Variants in SLC4A4 observed in about 807,000 individuals in gnomAD.
SLC4A4 encodes solute carrier family 4 member 4.
SLC4A4 carries 27 observed loss-of-function variants against 111.5 expected under a neutral mutation model. That is an observed-to-expected ratio of 0.24 (90% CI 0.18 to 0.33). The LOEUF (loss-of-function observed/expected upper bound fraction) is 0.33. Ranked by LOEUF, SLC4A4 falls within the 10% of genes least tolerant of loss-of-function variation. The pLI, the probability that SLC4A4 is intolerant of heterozygous loss-of-function variation, is 1.00. For synonymous variants in SLC4A4, 443 were observed against 463.4 expected (o/e 0.96, Z 0.57); for missense variants, 909 against 1,315.5 (o/e 0.69, Z 4.78).
chr4:71,376,296 G>A (rs1285594757), intron 6 of SLC4A4, among the ~76,000 whole-genome samples: 1 of 151,004 alleles, frequency 6.6e-6, no homozygotes, highest in African/African-American at 2.4e-5. Flanking sequence ...CTGCCTCTCG[G>A]GTTCACGCCA....
At chr4:71,094,008 G>T (rs890176363) in intron 2 of SLC4A4, among the ~76,000 whole-genome samples, 9 of 150,210 alleles carry the variant, frequency 6.0e-5, no homozygotes, top group South Asian at 2.1e-4. Context: ...CAGATTATCA[G>T]CCAGACTGTT....
At chr4:71,256,991 G>A (rs191641826) in intron 3 of SLC4A4, among the ~76,000 whole-genome samples, 8 of 152,176 alleles carry the variant, frequency 5.3e-5, no homozygotes, top group Admixed American at 5.2e-4. Context: ...AGACAAATAG[G>A]CCCAGGAATT....
At chr4:71,152,716 A>G (rs1744341298) in intron 2 of SLC4A4, among the ~76,000 whole-genome samples, 1 of 151,970 alleles carries the variant, frequency 6.6e-6, no homozygotes, top group African/African-American at 2.4e-5. Flanking sequence ...TCAGATTCCT[A>G]AAATATTTAC....
At chr4:71,360,286 T>C (rs1730658051) in intron 6 of SLC4A4, among the ~76,000 whole-genome samples, 3 of 152,152 alleles carry the variant, frequency 2.0e-5, no homozygotes, top group African/African-American at 4.8e-5. Context: ...GCTGTTATGG[T>C]AGTATTTACC....
At chr4:71,298,034 G>A (rs973299088) in intron 3 of SLC4A4, among the ~76,000 whole-genome samples, 1 of 152,162 alleles carries the variant, frequency 6.6e-6, no homozygotes, top group African/African-American at 2.4e-5. Context: ...CCTTTCTGAG[G>A]CTCTGTTTCC....
At chr4:71,403,269 A>G (rs1720535050) in intron 7 of SLC4A4, among the ~76,000 whole-genome samples, 1 of 152,100 alleles carries the variant, frequency 6.6e-6, no homozygotes, top group African/African-American at 2.4e-5. Flanking sequence ...CTCCTAAAAC[A>G]CCCCATCACT....
intron 3 of SLC4A4, among the ~76,000 whole-genome samples, chr4:71,269,944 C>T (rs1396455425): frequency 1.3e-5 from 2 of 152,136 alleles, no homozygotes; most frequent in African/African-American, 2.4e-5. Flanking sequence ...TATACCTCAC[C>T]AGGTGGCTGT....
chr4:71,405,581 G>A (rs1296022706), intron 7 of SLC4A4, among the ~76,000 whole-genome samples: 1 of 152,086 alleles, frequency 6.6e-6, no homozygotes, highest in Non-Finnish European at 1.5e-5. Context: ...ATTTCTGGAG[G>A]AGAAATTTTT....
chr4:71,373,960 G>GAA (rs1732114553), intron 6 of SLC4A4, among the ~76,000 whole-genome samples: 1 of 152,150 alleles, frequency 6.6e-6, no homozygotes, highest in South Asian at 2.1e-4. Flanking sequence ...TGGGTTTACA[G>GAA]AAGCATGACA....
intron 2 of SLC4A4, among the ~76,000 whole-genome samples, chr4:71,124,174 CTTTTT>C (rs5859248): frequency 8.1e-6 from 1 of 123,062 alleles, no homozygotes. Flanking sequence ...TAGGCCCACA[CTTTTT>C]TTTTTTTTTT....
chr4:71,146,156 C>G (rs914329556), intron 2 of SLC4A4, among the ~76,000 whole-genome samples: 2 of 152,124 alleles, frequency 1.3e-5, no homozygotes, highest in African/African-American at 4.8e-5. Context: ...TGTCTTTGTT[C>G]TCATTGGTTT....
intron 19 of SLC4A4, 97 bp from the exon 20 acceptor site, chr4:71,547,551 T>C (rs561315353): frequency 3.1e-5 from 30 of 974,386 alleles, no homozygotes; most frequent in African/African-American, 2.2e-4. Context: ...TAGCCAAACA[T>C]TGATTTTGTC....
At chr4:71,111,450 C>T (rs906134096) in intron 2 of SLC4A4, among the ~76,000 whole-genome samples, 6 of 151,520 alleles carry the variant, frequency 4.0e-5, no homozygotes, top group African/African-American at 1.5e-4. Flanking sequence ...CAACCTCTGC[C>T]TCCGGGGTTC....
At chr4:71,104,009 AT>A (rs1401073828) in intron 2 of SLC4A4, among the ~76,000 whole-genome samples, 1 of 98,502 alleles carries the variant, frequency 1.0e-5, no homozygotes, top group Admixed American at 1.2e-4. Context: ...GATCAACAAA[AT>A]TGATAGACCG....
intron 1 of SLC4A4, among the ~76,000 whole-genome samples, chr4:71,075,337 G>A (rs1166932370): frequency 6.6e-6 from 1 of 152,132 alleles, no homozygotes; most frequent in African/African-American, 2.4e-5. Context: ...TTTCATCCCA[G>A]ATGGACATAA....
At chr4:71,567,188 T>C in intron 25 of SLC4A4, 105 bp downstream of exon 25, 1 of 909,298 alleles carries the variant, frequency 1.1e-6, no homozygotes, top group Non-Finnish European at 1.7e-6. Flanking sequence ...CCTTCGTCTC[T>C]ATTATTTATC....
chr4:71,193,960 A>G (rs533103912), intron 1 of SLC4A4, among the ~76,000 whole-genome samples: 1 of 152,200 alleles, frequency 6.6e-6, no homozygotes, highest in Non-Finnish European at 1.5e-5. Flanking sequence ...TCGAAACTTT[A>G]TCCCTAAAAA....
At chr4:71,154,748 AT>A (rs1744412634) in intron 2 of SLC4A4, among the ~76,000 whole-genome samples, 1 of 152,216 alleles carries the variant, frequency 6.6e-6, no homozygotes, top group Admixed American at 6.5e-5. Flanking sequence ...CATTTAATAG[AT>A]TAAGAAGAAA....
chr4:71,184,584 A>G (rs550451625), upstream of SLC4A4, among the ~76,000 whole-genome samples: 23 of 152,274 alleles, frequency 1.5e-4, no homozygotes, highest in African/African-American at 5.3e-4. Flanking sequence ...TACTTACACC[A>G]TTTTTCTAAT....
Sources: allele counts gnomAD v4.1 joint callset (sites outside exome capture counted in the v4.1 genomes callset), GRCh38; gene constraint gnomAD v4.1.1; transcripts MANE v1.5; gene names NCBI Gene and HGNC (gene_info 2026-07-23, HGNC 2026-07-21).